SEMA3C: variants seen among roughly 807,000 people sequenced by gnomAD.
SEMA3C encodes semaphorin-3C.
A neutral mutation model predicts 89.4 loss-of-function variants in SEMA3C; 47 were observed. The observed-to-expected ratio is 0.53, with a 90% CI of 0.42 to 0.67. The LOEUF (loss-of-function observed/expected upper bound fraction) is 0.67. Ranked by LOEUF, SEMA3C falls within the 30% of genes least tolerant of loss-of-function variation. The pLI, the probability that SEMA3C is intolerant of heterozygous loss-of-function variation, is 0.00. For synonymous variants in SEMA3C, 310 were observed against 320.2 expected (o/e 0.97, Z 0.34); for missense variants, 839 against 929.1 (o/e 0.90, Z 1.26).
At chr7:80,794,976 C>T (rs1432630937) in intron 11 of SEMA3C, among the ~76,000 whole-genome samples, 1 of 152,082 alleles carries the variant, frequency 6.6e-6, no homozygotes, top group Non-Finnish European at 1.5e-5. Context: ...AACATTAGAA[C>T]GAGGGTATGA....
chr7:80,832,444 T>C (rs911733308), intron 2 of SEMA3C, among the ~76,000 whole-genome samples: 7 of 152,206 alleles, frequency 4.6e-5, no homozygotes, highest in African/African-American at 1.4e-4. Flanking sequence ...TAGATACTAT[T>C]CTTTTCTTCC....
At chr7:80,790,752 A>G (rs1479259689) in intron 11 of SEMA3C, among the ~76,000 whole-genome samples, 2 of 152,154 alleles carry the variant, frequency 1.3e-5, no homozygotes, top group Non-Finnish European at 2.9e-5. Flanking sequence ...TTTTCTTCAC[A>G]GCCCTATTTA....
intron 4 of SEMA3C, among the ~76,000 whole-genome samples, chr7:80,819,120 C>A (rs1789683383): frequency 6.6e-6 from 1 of 151,560 alleles, no homozygotes; most frequent in Non-Finnish European, 1.5e-5. Context: ...TGAAAATGCT[C>A]TCAAATTTAT....
At chr7:80,891,229 A>G (rs935728644) in intron 2 of SEMA3C, among the ~76,000 whole-genome samples, 2 of 151,918 alleles carry the variant, frequency 1.3e-5, no homozygotes, top group Non-Finnish European at 2.9e-5. Flanking sequence ...ACAGAAGGAA[A>G]CTCATCAGAC....
At chr7:80,816,079 A>AG (rs1225780416) in intron 5 of SEMA3C, 2 of 149,430 alleles carry the variant, frequency 1.3e-5, no homozygotes, top group Admixed American at 6.7e-5. Context: ...GTCTTCATGT[A>AG]GCAAGGATTC....
chr7:80,827,582 G>T, intron 3 of SEMA3C, 95 bp from the exon 4 acceptor site: 2 of 932,708 alleles, frequency 2.1e-6, no homozygotes, highest in Admixed American at 3.1e-5. Flanking sequence ...ATTTATTTAA[G>T]GTGATCTTAC....
At chr7:80,890,311 A>G (rs1359714396) in intron 2 of SEMA3C, among the ~76,000 whole-genome samples, 4 of 152,218 alleles carry the variant, frequency 2.6e-5, no homozygotes, top group Non-Finnish European at 2.9e-5. Context: ...TGCTGCAAGC[A>G]TTCCCAAATA....
intron 2 of SEMA3C, among the ~76,000 whole-genome samples, chr7:80,882,598 C>A (rs1002743708): frequency 1.3e-5 from 2 of 151,862 alleles, no homozygotes; most frequent in Admixed American, 1.3e-4. Flanking sequence ...TATTTCAGCT[C>A]AACAGGCACA....
intron 17 of SEMA3C, among the ~76,000 whole-genome samples, chr7:80,748,525 G>A (rs865930925): frequency 2.0e-5 from 3 of 152,256 alleles, no homozygotes; most frequent in South Asian, 2.1e-4. Flanking sequence ...GAGGAAAACT[G>A]AACTTTTTTT....
chr7:80,768,295 C>T (rs370327166), intron 12 of SEMA3C, among the ~76,000 whole-genome samples: 30 of 152,186 alleles, frequency 2.0e-4, no homozygotes, highest in African/African-American at 4.8e-4. Flanking sequence ...GGGCGGATCA[C>T]GAGGTCAGGA....
intron 2 of SEMA3C, among the ~76,000 whole-genome samples, chr7:80,902,219 T>C (rs551892056): frequency 6.6e-6 from 1 of 152,256 alleles, no homozygotes; most frequent in South Asian, 2.1e-4. Flanking sequence ...TCTCAAAAGG[T>C]TGGGATTACA....
rs774706205 is a variant in SEMA3C, at chr7:80,828,696, A to C, written c.153T>G (p.Pro51=). Residue 51 remains proline, a synonymous_variant, in exon 3 of 18, where the codon CCT becomes CCG. Transcript: ENST00000265361. ...TSEYFSLSHH[P]LDYRILLMDE... is the part of the protein sequence containing the mutation. ...CCATTAATAAAATCCTGTAGTCTAA[A>C]GGATGGTGGGAAAGGCTGAAGTATT... 31 of 1,611,776 alleles carry C rather than the reference A, an allele frequency of 1.9e-5. No homozygotes were observed. Among genetic ancestry groups the C allele is most frequent in the Non-Finnish European group, 2.5e-5 (29 of 1,178,574 alleles).
intron 15 of SEMA3C, among the ~76,000 whole-genome samples, chr7:80,754,957 G>GTTTTTTTTTTGTTTTTTTGTTTT (rs1449995090): frequency 1.8e-5 from 2 of 108,368 alleles, no homozygotes; most frequent in African/African-American, 7.1e-5. Flanking sequence ...GTTTTTTTTT[G>GTTTTTTTTTTGTTTTTTTGTTTT]TTTTTTTTTT....
At chr7:80,867,438 A>G (rs1286521471) in intron 2 of SEMA3C, among the ~76,000 whole-genome samples, 1 of 152,138 alleles carries the variant, frequency 6.6e-6, no homozygotes, top group Non-Finnish European at 1.5e-5. Context: ...CATACTGAGC[A>G]AAGTGCCAAT....
intron 2 of SEMA3C, among the ~76,000 whole-genome samples, chr7:80,891,384 A>G (rs1183659489): frequency 6.6e-6 from 1 of 151,950 alleles, no homozygotes; most frequent in African/African-American, 2.4e-5. Context: ...TAATACTTCT[A>G]CTGCTTCCCT....
intron 2 of SEMA3C, among the ~76,000 whole-genome samples, chr7:80,868,428 T>C (rs1393687161): frequency 6.6e-6 from 1 of 151,934 alleles, no homozygotes; most frequent in Non-Finnish European, 1.5e-5. Context: ...CCACCACACC[T>C]GACTAATTTT....
In SEMA3C at chr7:80,745,314, G is replaced by A. The variant is rs942921311; in HGVS notation, c.1843-7C>T. 4 of 1,610,382 alleles carry A rather than the reference G, an allele frequency of 2.5e-6. No homozygotes were observed. Among genetic ancestry groups the A allele is most frequent in the African/African-American group, 2.7e-5 (2 of 74,874 alleles). ...TTCGTTCATTCAGCTTAACCTAAAAGAGAGACAAATTAAAGTTACTGAAAC... is the reference window on the plus strand; with the variant it reads ...TTCGTTCATTCAGCTTAACCTAAAAAAGAGACAAATTAAAGTTACTGAAAC... On this transcript the variant is annotated splice_polypyrimidine_tract_variant and splice_region_variant and intron_variant, in intron 17 of 17. Coordinates refer to ENST00000265361, the MANE Select transcript of SEMA3C (RefSeq NM_006379.5).
intron 15 of SEMA3C, among the ~76,000 whole-genome samples, chr7:80,754,963 T>TTTTTGTTTTTTTTGTTTTTTTTG (rs796366343): frequency 8.4e-5 from 11 of 131,076 alleles, no homozygotes; most frequent in African/African-American, 2.7e-4. Context: ...TTTTGTTTTT[T>TTTTTGTTTTTTTTGTTTTTTTTG]TTTTTTTTGT....
At chr7:80,908,939 A>T (rs1466644503) in intron 2 of SEMA3C, among the ~76,000 whole-genome samples, 1 of 152,196 alleles carries the variant, frequency 6.6e-6, no homozygotes, top group Non-Finnish European at 1.5e-5. Flanking sequence ...TAAATAATGC[A>T]TTTAAAATGA....
Sources: allele counts gnomAD v4.1 joint callset (sites outside exome capture counted in the v4.1 genomes callset), GRCh38; gene constraint gnomAD v4.1.1; transcripts MANE v1.5; gene names NCBI Gene and HGNC (gene_info 2026-07-23, HGNC 2026-07-21).